The following TRIO variants were observed in gnomAD, a reference collection of about 807,000 sequenced individuals.
The protein encoded by TRIO is trio Rho guanine nucleotide exchange factor.
Under a neutral mutation model 351.9 loss-of-function variants are expected in TRIO, and 58 were observed. That is an observed-to-expected ratio of 0.16 (90% CI 0.13 to 0.21). The LOEUF (loss-of-function observed/expected upper bound fraction) is 0.21, where lower values mean the gene tolerates loss of function less well. Ranked by LOEUF, TRIO falls within the 10% of genes least tolerant of loss-of-function variation. TRIO has a pLI of 1.00. For missense variants in TRIO, 3,201 were observed against 4,027.8 expected, an observed-to-expected ratio of 0.79 and a Z score of 5.56; for synonymous variants, 1,758 against 1,595.7, an observed-to-expected ratio of 1.10 and a Z score of -2.42.
chr5:14,405,620 G>A (rs1006675025), intron 31 of TRIO, among the ~76,000 whole-genome samples: 1 of 152,224 alleles, frequency 6.6e-6, no homozygotes, highest in African/African-American at 2.4e-5. Flanking sequence ...GCAATAGTCA[G>A]AGATCTGGAG....
intron 48 of TRIO, chr5:14,489,060 G>A (rs773358349): frequency 2.6e-6 from 2 of 765,090 alleles, no homozygotes; most frequent in African/African-American, 1.7e-5. Context: ...ACACTTTCCT[G>A]AAGGCATGCG....
intron 33 of TRIO, among the ~76,000 whole-genome samples, chr5:14,409,335 G>A (rs1231020256): frequency 7.2e-6 from 1 of 139,206 alleles, no homozygotes; most frequent in African/African-American, 2.8e-5. Context: ...TGTATCCAAC[G>A]AAAGAGGAAG....
Position 14,504,481 on chromosome 5 carries a change from C to T in TRIO, c.8500C>T (p.Arg2834Cys), listed in dbSNP as rs56400458. ...TKFVNKKLMK[R>C]DQVTHELGIL... The stretch of plus-strand genomic sequence containing the variant: ...GTTTGTGAACAAGAAGTTGATGAAG[C>T]GCGACCAGGTCACCCATGAGCTTGG... The change falls in exon 55 of 57, where the codon CGC becomes TGC. Residue 2834 changes from arginine to cysteine, a missense_variant. By Grantham distance (180) the Arg-to-Cys change is radical. This residue lies in a region of TRIO where 1,089 missense variants were observed against 954.9 expected (regional missense o/e 1.14). Transcript: ENST00000344204. The T allele has an allele frequency of 2.7e-5, 44 of 1,614,122 alleles. No individual in the cohort carries two copies. In the East Asian group the frequency reaches 4.5e-4, roughly 16 times the overall value.
At chr5:14,407,396 G>A (rs1748821563) in intron 33 of TRIO, among the ~76,000 whole-genome samples, 1 of 152,214 alleles carries the variant, frequency 6.6e-6, no homozygotes, top group Non-Finnish European at 1.5e-5. Context: ...TCACCAGAAG[G>A]AAGTTCTGTG....
At chr5:14,246,702 G>C (rs1794458091) in intron 1 of TRIO, among the ~76,000 whole-genome samples, 1 of 152,190 alleles carries the variant, frequency 6.6e-6, no homozygotes, top group South Asian at 2.1e-4. Context: ...GTTCCCTGTG[G>C]CTTCTCCATC....
chr5:14,234,549 G>A (rs1422936724), intron 1 of TRIO, among the ~76,000 whole-genome samples: 1 of 152,202 alleles, frequency 6.6e-6, no homozygotes, highest in Non-Finnish European at 1.5e-5. Context: ...TGAGTTGGGG[G>A]AAATGTTCTG....
At chr5:14,177,480 T>A (rs1250886410) in intron 1 of TRIO, among the ~76,000 whole-genome samples, 2 of 152,200 alleles carry the variant, frequency 1.3e-5, no homozygotes, top group Non-Finnish European at 2.9e-5. Context: ...TTGCTGGAGC[T>A]CCTGTTCTGG....
chr5:14,230,273 T>G (rs1793322094), intron 1 of TRIO, among the ~76,000 whole-genome samples: 1 of 151,802 alleles, frequency 6.6e-6, no homozygotes, highest in Non-Finnish European at 1.5e-5. Context: ...TGAAATGGAG[T>G]TGGGTCTATG....
intron 10 of TRIO, among the ~76,000 whole-genome samples, chr5:14,335,065 CTG>C (rs1741272028): frequency 6.6e-6 from 1 of 152,176 alleles, no homozygotes; most frequent in African/African-American, 2.4e-5. Context: ...TCACATCTGT[CTG>C]TTAAAAACCA....
intron 47 of TRIO, among the ~76,000 whole-genome samples, chr5:14,486,948 T>C (rs1461106959): frequency 6.6e-6 from 1 of 152,196 alleles, no homozygotes; most frequent in African/African-American, 2.4e-5. Flanking sequence ...TGGCCTGATT[T>C]CTGTGTTTTT....
chr5:14,150,848 G>C (rs958411175), intron 1 of TRIO, among the ~76,000 whole-genome samples: 1 of 152,182 alleles, frequency 6.6e-6, no homozygotes, highest in South Asian at 2.1e-4. Flanking sequence ...GTGATCTAGG[G>C]TAATGGTAAA....
At position 14,286,792 on chromosome 5, in the gene TRIO, G is replaced by A. The variant is rs1164682378; in HGVS notation, c.348-79G>A. The A allele has an allele frequency of 2.0e-6, 3 of 1,486,778 alleles. No homozygotes were observed. Among genetic ancestry groups the A allele is most frequent in the East Asian group, 4.6e-5 (2 of 43,906 alleles). 92.1% of individuals were successfully genotyped at this position (1,486,778 alleles called of 1,614,324 possible). ...CCAGCAGGGGAGGGAAGCTGGGTCT[G>A]TGGCACCCAGTGGGACTCTGACCAG... On this transcript the variant is annotated intron_variant, in intron 3 of 56. Transcript: ENST00000344204. This position sits in a 1 kb window ranked among gnomAD's most constrained non-coding sequence, Gnocchi z 4.4.
intron 1 of TRIO, among the ~76,000 whole-genome samples, chr5:14,254,661 C>G (rs1441263083): frequency 6.6e-6 from 1 of 152,222 alleles, no homozygotes; most frequent in Non-Finnish European, 1.5e-5. Flanking sequence ...CCTCCTGTTT[C>G]TTCTCCAACC....
intron 38 of TRIO, among the ~76,000 whole-genome samples, chr5:14,471,941 G>C (rs943538279): frequency 6.6e-6 from 1 of 151,854 alleles, no homozygotes; most frequent in Admixed American, 6.6e-5. Flanking sequence ...CGTAAGCTAC[G>C]AAACGGCAGA....
Position 14,302,093 on chromosome 5 carries a change from G to A in TRIO, c.1369-2368G>A, listed in dbSNP as rs145891764. On this transcript the variant is annotated intron_variant, in intron 7 of 56. Transcript: ENST00000344204. Reference sequence around the variant, plus strand: ...GGATACTTTAAGAAATTATAAGTTAGTTCTAATTACAGGAATATGTAAAAC... The same window carrying A: ...GGATACTTTAAGAAATTATAAGTTAATTCTAATTACAGGAATATGTAAAAC... Among the ~76,000 whole-genome samples, 3 of 152,256 alleles carry A rather than the reference G, an allele frequency of 2.0e-5. No homozygotes were observed. The East Asian group carries it at 5.8e-4, about 29-fold the overall frequency.
In TRIO at chr5:14,363,746, C is replaced by T. The variant is rs141315662; in HGVS notation, c.2406C>T (p.Leu802=). 7.4e-6 allele frequency: 12 copies of T among 1,613,476 alleles called. No individual in the cohort carries two copies. The highest frequency in any genetic ancestry group is 6.7e-5 in the African/African-American group (5 of 74,868). Residue 802 remains leucine (L), a synonymous_variant, in exon 14 of 57, where the codon CTC becomes CTT. Transcript: ENST00000344204. ...ERDAIDIISD[L]ESWNDELSQQ... Reference sequence around the variant, plus strand: ...CCTTCTTTCAGATTATCTCAGACCTCGAGTCTTGGAATGATGAGCTTTCTC... The same window carrying T: ...CCTTCTTTCAGATTATCTCAGACCTTGAGTCTTGGAATGATGAGCTTTCTC...
chr5:14,153,373 G>A (rs1225005743), intron 1 of TRIO, among the ~76,000 whole-genome samples: 1 of 152,218 alleles, frequency 6.6e-6, no homozygotes, highest in Non-Finnish European at 1.5e-5. Context: ...CATCTGCAAA[G>A]TAGTAACCTG....
At chr5:14,397,207 GTT>G in intron 29 of TRIO, 53 bp downstream of exon 29, 1 of 1,402,318 alleles carries the variant, frequency 7.1e-7, no homozygotes, top group Non-Finnish European at 9.8e-7. Context: ...TAATGACACT[GTT>G]TGTAAATGGA....
chr5:14,192,271 T>TC (rs778354284), intron 1 of TRIO, among the ~76,000 whole-genome samples: 1 of 151,554 alleles, frequency 6.6e-6, no homozygotes, highest in Admixed American at 6.6e-5. Flanking sequence ...TTTTTTTTTT[T>TC]CCCCCAAGAA....
Sources: gnomAD v4.1 joint callset for allele counts (sites outside exome capture counted in the v4.1 genomes callset) on GRCh38, gnomAD v4.1.1 for gene constraint, gnomAD v4.1.1 regional missense constraint, Gnocchi (gnomAD v3.1) non-coding constraint, MANE v1.5 for transcripts, NCBI Gene and HGNC (gene_info 2026-07-23, HGNC 2026-07-21) for gene names.